The following ITGAM variants were observed in gnomAD, a reference collection of about 807,000 sequenced individuals.
ITGAM encodes the protein integrin subunit alpha M.
In ITGAM, 79 loss-of-function variants were observed where a neutral mutation model predicts 137.5. The observed-to-expected ratio is 0.57, with a 90% confidence interval of 0.48 to 0.69. ITGAM has a LOEUF of 0.69. Among genes scored for constraint, ITGAM ranks in the 30% least tolerant of loss-of-function variants. The probability of loss-of-function intolerance (pLI) is 0.00; values close to 1 mark genes in which losing one functional copy is unlikely to be tolerated. For missense variants in ITGAM, 1,343 were observed against 1,483.5 expected (o/e 0.91, Z 1.56); for synonymous variants, 583 against 592.3 (o/e 0.98, Z 0.23).
At chr16:31,302,956 CTTTCTTTCT>C (rs2080227684) in intron 14 of ITGAM, among the ~76,000 whole-genome samples, 1 of 120,698 alleles carries the variant, frequency 8.3e-6, no homozygotes, top group Non-Finnish European at 1.7e-5. Context: ...TTCTTTCTTT[CTTTCTTTCT>C]TTCTTTCTTT....
At position 31,308,248 on chromosome 16, in the gene ITGAM, G is replaced by T. The variant is rs2080285889; in HGVS notation, c.1707+10294G>T. Among the ~76,000 whole-genome samples, 3 of 152,140 alleles carry T rather than the reference G, an allele frequency of 2.0e-5. No homozygotes were observed. The South Asian group carries it at 6.2e-4, about 32-fold the overall frequency. On this transcript the variant is annotated intron_variant, in intron 14 of 29. Transcript: ENST00000544665. ...GTACCATCTCCTCCTTGTACCTCTG[G>T]TAGAATTCGGCTGTGAATCCATCTG... is the stretch of plus-strand genomic sequence containing the variant.
chr16:31,271,765 A>T, intron 6 of ITGAM, 82 bp from the exon 7 acceptor site: 2 of 1,541,472 alleles, frequency 1.3e-6, no homozygotes, highest in Non-Finnish European at 1.8e-6. Flanking sequence ...TGGAGTGTTT[A>T]AGATCTTCGT....
chr16:31,317,128 T>G (rs1246198430), intron 14 of ITGAM, among the ~76,000 whole-genome samples: 1 of 152,204 alleles, frequency 6.6e-6, no homozygotes, highest in Non-Finnish European at 1.5e-5. Flanking sequence ...GGACTTTCAG[T>G]ACTGTGTTGA....
chr16:31,293,898 C>A (rs2080109275), intron 12 of ITGAM, among the ~76,000 whole-genome samples: 1 of 152,082 alleles, frequency 6.6e-6, no homozygotes, highest in Admixed American at 6.6e-5. Flanking sequence ...TTTTTGGTGT[C>A]ATCTCTGATT....
chr16:31,327,681 G>A (rs528606100), intron 22 of ITGAM, among the ~76,000 whole-genome samples: 5 of 152,042 alleles, frequency 3.3e-5, no homozygotes, highest in Admixed American at 2.6e-4. Context: ...AACTGAGGGC[G>A]GGCATGAAGA....
At position 31,331,721 on chromosome 16, in the gene ITGAM, A is replaced by C; in HGVS notation, c.*14A>C. 6.3e-7 allele frequency: 1 copy of C among 1,581,598 alleles called. No homozygotes were observed. The highest frequency in any genetic ancestry group is 8.6e-7 in the Non-Finnish European group (1 of 1,163,800). ...GAACCCCAGTAGCGGCTCCTTCCCGACAGAGCTGCCTCTCGGTGGCCAGCA... is the reference window on the plus strand; with the variant it reads ...GAACCCCAGTAGCGGCTCCTTCCCGCCAGAGCTGCCTCTCGGTGGCCAGCA... On this transcript the variant is annotated 3_prime_UTR_variant, in exon 30 of 30. Coordinates refer to ENST00000544665, the MANE Select transcript of ITGAM (RefSeq NM_000632.4).
rs776489909 is a variant in ITGAM at position 31,324,473 on chromosome 16, G to C, written c.2077G>C (p.Glu693Gln). 5.7e-6 allele frequency: 9 copies of C among 1,582,842 alleles called. No homozygotes were observed. The highest frequency in any genetic ancestry group is 7.7e-6 in the Non-Finnish European group (9 of 1,164,922). Residue 693 changes from glutamate (E) to glutamine (Q), a missense_variant, in exon 17 of 30, where the codon GAG (glutamate) becomes CAG (glutamine). Physicochemically the swap from Glu to Gln is conservative, Grantham distance 29. Transcript: ENST00000544665. The surrounding 1 kb of genome is among the most constrained non-coding windows in gnomAD (Gnocchi z 4.5). The stretch of plus-strand genomic sequence containing the variant: ...CCCACATTCCCGCGCCGTCTTCAAT[G>C]AGACAAAGAACAGCACACGCAGACA... ...GRPHSRAVFN[E>Q]TKNSTRRQTQ...
At position 31,304,693 on chromosome 16, in the gene ITGAM, C is replaced by T. The variant is rs181757612; in HGVS notation, c.1707+6739C>T. ...TCTACATGTGATTTGCCTGTTTTCC[C>T]AGCGCCATTTACTGAATAGGGTGTC... On this transcript the variant is annotated intron_variant, in intron 14 of 29. Transcript: ENST00000544665. Among the ~76,000 whole-genome samples, 469 of 152,254 alleles carry T rather than the reference C, an allele frequency of 3.1e-3. 2 individuals carry two copies. Among genetic ancestry groups the T allele is most frequent in the African/African-American group, 0.011 (443 of 41,560 alleles).
intron 14 of ITGAM, among the ~76,000 whole-genome samples, chr16:31,304,173 G>A (rs192870835): frequency 6.6e-6 from 1 of 152,144 alleles, no homozygotes; most frequent in East Asian, 1.9e-4. Context: ...GAGTAAGGTG[G>A]TATTTTATTG....
rs1032962835 is a variant in ITGAM, at chr16:31,276,955, C to A, written c.1119C>A (p.Asp373Glu). The change falls in exon 11 of 30, where the codon GAC becomes GAA. Residue 373 changes from aspartate (D) to glutamate (E), a missense_variant. Physicochemically the swap from Asp to Glu is conservative, Grantham distance 45. Coordinates refer to ENST00000544665, the MANE Select transcript of ITGAM (RefSeq NM_000632.4). ...GPLLSTVGSY[D>E]WAGGVFLYTS... ...TGCTGAGCACTGTGGGGAGCTATGACTGGGCTGGTGGAGTCTTTCTATATA... is the reference window on the plus strand; with the variant it reads ...TGCTGAGCACTGTGGGGAGCTATGAATGGGCTGGTGGAGTCTTTCTATATA... 1.1e-5 allele frequency: 17 copies of A among 1,613,320 alleles called. No homozygotes were observed. Among genetic ancestry groups the A allele is most frequent in the Non-Finnish European group, 1.4e-5 (17 of 1,179,704 alleles).
chr16:31,273,383 C>T lies in ITGAM; in HGVS notation c.723C>T (p.Ile241=). 6.2e-7 allele frequency: 1 copy of T among 1,613,346 alleles called. No individual in the cohort carries two copies. The highest frequency in any genetic ancestry group is 8.5e-7 in the Non-Finnish European group (1 of 1,179,652). ...TGCACAGACGAGAGCTGTTTAACAT[C>T]ACCAACGGAGCCCGAAAGAATGCCT... The part of the protein sequence containing the change: ...IRKVVRELFN[I]TNGARKNAFK... The change falls in exon 8 of 30, where the codon ATC becomes ATT. Residue 241 remains isoleucine, a synonymous_variant. Coordinates refer to ENST00000544665, the MANE Select transcript of ITGAM (RefSeq NM_000632.4).
At chr16:31,295,650 C>A (rs959217206) in intron 12 of ITGAM, among the ~76,000 whole-genome samples, 9 of 150,204 alleles carry the variant, frequency 6.0e-5, no homozygotes, top group Non-Finnish European at 1.5e-5. Flanking sequence ...ATATATATAT[C>A]ATTTTAAGTG....
chr16:31,269,450 A>G (rs2079804975), intron 5 of ITGAM, among the ~76,000 whole-genome samples: 2 of 152,206 alleles, frequency 1.3e-5, no homozygotes, highest in Non-Finnish European at 1.5e-5. Flanking sequence ...ACTATAAACT[A>G]TAAACTAAGT....
chr16:31,291,921 A>G (rs918611646), intron 12 of ITGAM, among the ~76,000 whole-genome samples: 1 of 152,128 alleles, frequency 6.6e-6, no homozygotes, highest in African/African-American at 2.4e-5. Flanking sequence ...TGTATTTCAA[A>G]ATAACTACAG....
intron 2 of ITGAM, among the ~76,000 whole-genome samples, chr16:31,264,903 T>A (rs1379063841): frequency 6.6e-6 from 1 of 152,170 alleles, no homozygotes; most frequent in East Asian, 1.9e-4. Context: ...AGTCTTGCCC[T>A]GTCTCTCAGG....
chr16:31,275,413 AC>A, intron 8 of ITGAM, 135 bp from the exon 9 acceptor site: 1 of 916,996 alleles, frequency 1.1e-6, no homozygotes, highest in South Asian at 1.6e-5. Context: ...ATACCTGGCA[AC>A]CCTGTCCCAG....
At chr16:31,313,203 C>T (rs544791498) in intron 14 of ITGAM, among the ~76,000 whole-genome samples, 5 of 151,910 alleles carry the variant, frequency 3.3e-5, no homozygotes, top group South Asian at 2.1e-4. Context: ...GGCAACAGAG[C>T]GAGACTCCGT....
chr16:31,279,391 C>T (rs2079943940), intron 12 of ITGAM, among the ~76,000 whole-genome samples: 1 of 152,196 alleles, frequency 6.6e-6, no homozygotes, highest in Non-Finnish European at 1.5e-5. Flanking sequence ...ACATCCTCTC[C>T]AGCACGTGTT....
At chr16:31,305,881 A>G (rs972881017) in intron 14 of ITGAM, among the ~76,000 whole-genome samples, 6 of 151,774 alleles carry the variant, frequency 4.0e-5, no homozygotes, top group Non-Finnish European at 7.4e-5. Context: ...TTTGTTAAGG[A>G]TTTTTGCTTC....
Sources: allele counts gnomAD v4.1 joint callset (sites outside exome capture counted in the v4.1 genomes callset), GRCh38; gene constraint gnomAD v4.1.1; non-coding constraint Gnocchi (gnomAD v3.1); transcripts MANE v1.5; gene names NCBI Gene and HGNC (gene_info 2026-07-23, HGNC 2026-07-21).